ARSG: variants seen among roughly 807,000 people sequenced by gnomAD.
ARSG encodes the protein arylsulfatase G, also known as ASG.
ARSG carries 37 observed loss-of-function variants against 50.5 expected under a neutral mutation model. The observed-to-expected ratio is 0.73, with a 90% confidence interval of 0.56 to 0.96. The LOEUF (loss-of-function observed/expected upper bound fraction) is 0.96. Ranked by LOEUF, ARSG falls within the 50% of genes least tolerant of loss-of-function variation. ARSG has a pLI of 0.00. For synonymous variants in ARSG, 225 were observed against 254.6 expected (o/e 0.88, Z 1.11); for missense variants, 629 against 675.3 (o/e 0.93, Z 0.76).
chr17:68,317,465 G>GTT (rs782252934), intron 2 of ARSG, among the ~76,000 whole-genome samples: 4 of 140,544 alleles, frequency 2.8e-5, no homozygotes, highest in Non-Finnish European at 3.1e-5. Context: ...GAACTGTTTT[G>GTT]TTTTTTTTTT....
intron 9 of ARSG, among the ~76,000 whole-genome samples, chr17:68,392,800 G>T (rs887549783): frequency 3.3e-5 from 5 of 152,084 alleles, no homozygotes; most frequent in Admixed American, 2.0e-4. Context: ...GCACCTGGCC[G>T]CATTCACTAC....
At chr17:68,426,843 AT>A (rs1157320088), downstream of ARSG, among the ~76,000 whole-genome samples, 1 of 152,174 alleles carries the variant, frequency 6.6e-6, no homozygotes, top group Non-Finnish European at 1.5e-5. Context: ...CCTCATTGGA[AT>A]TTTTGAAGAG....
the ARSG span, chr17:68,435,742 ATGC>A: frequency 4.4e-6 from 7 of 1,603,092 alleles, no homozygotes; most frequent in Non-Finnish European, 5.1e-6. Flanking sequence ...ATGGATACAG[ATGC>A]TGCGGAGGAG....
chr17:68,315,978 C>G (rs542669103), intron 2 of ARSG, among the ~76,000 whole-genome samples: 11 of 152,256 alleles, frequency 7.2e-5, no homozygotes, highest in African/African-American at 2.4e-4. Context: ...ATGCAACCAT[C>G]GTTCAGGAGG....
chr17:68,328,467 G>A (rs1401722419), intron 2 of ARSG, among the ~76,000 whole-genome samples: 1 of 152,086 alleles, frequency 6.6e-6, no homozygotes, highest in Non-Finnish European at 1.5e-5. Flanking sequence ...GTCTTTCCGT[G>A]CCTTTAATTT....
chr17:68,287,246 ATAG>A (rs2075861529), upstream of ARSG, among the ~76,000 whole-genome samples: 1 of 151,962 alleles, frequency 6.6e-6, no homozygotes, highest in Non-Finnish European at 1.5e-5. Flanking sequence ...TCCCAAAGTG[ATAG>A]TATTAAACGT....
chr17:68,385,022 T>C (rs773470432), intron 8 of ARSG, 42 bp from the exon 9 acceptor site: 15 of 1,540,670 alleles, frequency 9.7e-6, no homozygotes, highest in Non-Finnish European at 1.3e-5. Flanking sequence ...AAGTCTCGAG[T>C]TATCACCATG....
At chr17:68,438,825 C>G in the ARSG span, among the ~76,000 whole-genome samples, 1 of 152,332 alleles carries the variant, frequency 6.6e-6, no homozygotes, top group East Asian at 1.9e-4. Flanking sequence ...GTCTCGAACT[C>G]GTGACCTCAG....
intron 5 of ARSG, among the ~76,000 whole-genome samples, chr17:68,352,712 G>A (rs2078856543): frequency 1.3e-5 from 2 of 152,104 alleles, no homozygotes; most frequent in African/African-American, 4.8e-5. Flanking sequence ...GTTTCGCCAT[G>A]TTGGCCAGGC....
chr17:68,317,474 T>A (rs55752990), intron 2 of ARSG, among the ~76,000 whole-genome samples: 1 of 152,054 alleles, frequency 6.6e-6, no homozygotes, highest in Non-Finnish European at 1.5e-5. Flanking sequence ...TGTTTTTTTT[T>A]TTTTGTATGT....
chr17:68,425,382 CTTT>C (rs112331284), downstream of ARSG, among the ~76,000 whole-genome samples: 28,584 of 132,190 alleles, frequency 0.22, 3,001 homozygotes, highest in Middle Eastern at 0.3. Context: ...TTTTTCTTTT[CTTT>C]TTTTTTTTTT....
At chr17:68,421,944 C>T, downstream of ARSG, 1 of 1,221,252 alleles carries the variant, frequency 8.2e-7, no homozygotes, top group Non-Finnish European at 1.2e-6. Context: ...TGGAATTTTT[C>T]TGTCTGAACT....
rs184699398 is a variant in ARSG at position 68,298,106 on chromosome 17, C to T, written c.-552+6538C>T. The stretch of plus-strand genomic sequence containing the variant: ...CAGCTGGCAAATCACTGCTGAATCC[C>T]GGATACATACTCCTCTGGAAATAAC... On this transcript the variant is annotated intron_variant, in intron 1 of 11. Transcript: ENST00000621439. Among the ~76,000 whole-genome samples the T allele has an allele frequency of 2.6e-5, 4 of 152,048 alleles. No homozygotes were observed. The East Asian group carries it at 5.8e-4, about 22-fold the overall frequency.
intron 8 of ARSG, among the ~76,000 whole-genome samples, chr17:68,379,195 C>T (rs188264949): frequency 4.6e-5 from 7 of 152,276 alleles, no homozygotes; most frequent in Admixed American, 3.3e-4. Context: ...ACACTGTAGG[C>T]ATCCTTGGCA....
chr17:68,387,904 C>T (rs905064007), intron 9 of ARSG, among the ~76,000 whole-genome samples: 4 of 151,994 alleles, frequency 2.6e-5, no homozygotes, highest in Non-Finnish European at 4.4e-5. Flanking sequence ...GGAGAGGGGG[C>T]GGGGGATCCA....
chr17:68,420,092 A>G (rs1166246012), intron 11 of ARSG, 97 bp from the exon 12 acceptor site: 11 of 1,356,652 alleles, frequency 8.1e-6, no homozygotes, highest in Non-Finnish European at 9.2e-6. Context: ...GTTATCTGGT[A>G]TGTTTGAATT....
chr17:68,380,290 A>G (rs907649078), intron 8 of ARSG, among the ~76,000 whole-genome samples: 2 of 146,270 alleles, frequency 1.4e-5, no homozygotes, highest in Non-Finnish European at 3.0e-5. Context: ...TGCCCAGGCT[A>G]GAGGGCAGTG....
chr17:68,429,691 C>T, the ARSG span, among the ~76,000 whole-genome samples: 7 of 152,208 alleles, frequency 4.6e-5, no homozygotes, highest in East Asian at 5.8e-4. Context: ...TGGGTTCAAG[C>T]GATTCTCCTG....
At chr17:68,423,022 G>T (rs925708625), downstream of ARSG, among the ~76,000 whole-genome samples, 1 of 152,192 alleles carries the variant, frequency 6.6e-6, no homozygotes, top group Non-Finnish European at 1.5e-5. This position sits in a 1 kb window ranked among gnomAD's most constrained non-coding sequence, Gnocchi z 4.4. Flanking sequence ...AAGATCACTA[G>T]TGATGACCCG....
Sources: gnomAD v4.1 joint callset for allele counts (sites outside exome capture counted in the v4.1 genomes callset) on GRCh38, gnomAD v4.1.1 for gene constraint, Gnocchi (gnomAD v3.1) non-coding constraint, MANE v1.5 for transcripts, NCBI Gene and HGNC (gene_info 2026-07-23, HGNC 2026-07-21) for gene names.